Variants in NRXN3 observed in about 807,000 individuals in gnomAD.
NRXN3 encodes the protein neurexin III.
In NRXN3, 32 loss-of-function variants were observed where a neutral mutation model predicts 137.6. The ratio of observed to expected loss-of-function variants is 0.23; its 90% CI spans 0.18 to 0.31. The LOEUF (loss-of-function observed/expected upper bound fraction) is 0.31, where lower values mean the gene tolerates loss of function less well. Among genes scored for constraint, NRXN3 ranks in the 10% least tolerant of loss-of-function variants. The pLI is 1.00. For missense variants in NRXN3, 1,574 were observed against 2,062.5 expected (o/e 0.76, Z 4.59); for synonymous variants, 798 against 784.5 (o/e 1.02, Z -0.29).
chr14:78,728,560 T>C (rs923870704), intron 8 of NRXN3, among the ~76,000 whole-genome samples: 3 of 152,114 alleles, frequency 2.0e-5, no homozygotes, highest in African/African-American at 7.2e-5. Context: ...ATTTGGTCCT[T>C]AAATAAGATG....
intron 15 of NRXN3, among the ~76,000 whole-genome samples, chr14:79,316,033 G>A (rs2153233663): frequency 6.6e-6 from 1 of 152,258 alleles, no homozygotes; most frequent in African/African-American, 2.4e-5. Context: ...TGCTTTGTAA[G>A]GTGTAAATCG....
At chr14:78,741,738 G>A (rs2098575329) in intron 8 of NRXN3, among the ~76,000 whole-genome samples, 1 of 152,064 alleles carries the variant, frequency 6.6e-6, no homozygotes, top group African/African-American at 2.4e-5. Context: ...TTAACCAAAG[G>A]CCACTATCGT....
At chr14:78,267,677 G>T (rs2071991646) in intron 2 of NRXN3, among the ~76,000 whole-genome samples, 1 of 151,884 alleles carries the variant, frequency 6.6e-6, no homozygotes, top group African/African-American at 2.4e-5. Flanking sequence ...AAAAATAAAA[G>T]ATTTCTCTCC....
At chr14:78,997,655 A>AT (rs1435717097) in intron 15 of NRXN3, among the ~76,000 whole-genome samples, 1 of 152,134 alleles carries the variant, frequency 6.6e-6, no homozygotes, top group Non-Finnish European at 1.5e-5. Flanking sequence ...GGAAGAGATC[A>AT]TTTTTTGAAG....
intron 15 of NRXN3, among the ~76,000 whole-genome samples, chr14:79,155,699 TA>T (rs1214051187): frequency 3.3e-5 from 5 of 151,582 alleles, no homozygotes; most frequent in South Asian, 2.1e-4. Flanking sequence ...AGTCCTCATT[TA>T]AAAAAAATAA....
intron 4 of NRXN3, among the ~76,000 whole-genome samples, chr14:78,522,482 A>G (rs1343141883): frequency 6.6e-6 from 1 of 152,228 alleles, no homozygotes; most frequent in Non-Finnish European, 1.5e-5. Context: ...GTTATCGGAA[A>G]TAGTTGACTA....
At chr14:79,511,214 G>A (rs1234519162) in intron 16 of NRXN3, among the ~76,000 whole-genome samples, 1 of 152,196 alleles carries the variant, frequency 6.6e-6, no homozygotes, top group Non-Finnish European at 1.5e-5. Context: ...GAAAAAGTGT[G>A]CAGAGATATG....
chr14:78,997,594 A>G, intron 15 of NRXN3, among the ~76,000 whole-genome samples: 1 of 152,328 alleles, frequency 6.6e-6, no homozygotes, highest in East Asian at 1.9e-4. Context: ...AATAATAAAT[A>G]TAATTTTGTT....
intron 4 of NRXN3, among the ~76,000 whole-genome samples, chr14:78,371,350 GAAAGATT>G (rs1364658666): frequency 6.6e-6 from 1 of 152,168 alleles, no homozygotes; most frequent in Non-Finnish European, 1.5e-5. Context: ...GGGCTTCCAG[GAAAGATT>G]ACTTTCTTCC....
At chr14:78,702,326 A>T (rs1035426036) in intron 6 of NRXN3, among the ~76,000 whole-genome samples, 2 of 150,718 alleles carry the variant, frequency 1.3e-5, no homozygotes, top group African/African-American at 2.4e-5. Flanking sequence ...CTTATAAATA[A>T]ATATATAAAG....
intron 15 of NRXN3, among the ~76,000 whole-genome samples, chr14:79,191,766 A>T (rs2064361212): frequency 6.6e-6 from 1 of 152,196 alleles, no homozygotes; most frequent in Admixed American, 6.5e-5. Flanking sequence ...GGTGATTAAA[A>T]TATGGATTTA....
intron 15 of NRXN3, among the ~76,000 whole-genome samples, chr14:79,389,569 A>G (rs990126140): frequency 6.6e-6 from 1 of 152,170 alleles, no homozygotes; most frequent in East Asian, 1.9e-4. Context: ...TCCTCATCTG[A>G]TAATTGGGAA....
chr14:79,610,702 A>G (rs748249292), intron 16 of NRXN3, among the ~76,000 whole-genome samples: 2 of 152,214 alleles, frequency 1.3e-5, no homozygotes, highest in Non-Finnish European at 2.9e-5. Flanking sequence ...GTTTTTCCCC[A>G]AAGACTCATG....
intron 3 of NRXN3, among the ~76,000 whole-genome samples, chr14:78,287,987 T>C (rs560910156): frequency 2.4e-4 from 34 of 144,440 alleles, no homozygotes; most frequent in East Asian, 1.6e-3. Context: ...GGACTCCCCC[T>C]TTTTTTTTTT....
At chr14:79,745,669 T>G (rs10141662) in intron 19 of NRXN3, among the ~76,000 whole-genome samples, 4,013 of 152,200 alleles carry the variant, frequency 0.026, 180 homozygotes, top group African/African-American at 0.092. Context: ...TACCACACAC[T>G]GAGTGCCTTA....
At chr14:78,600,630 A>G (rs1241601602) in intron 4 of NRXN3, among the ~76,000 whole-genome samples, 1 of 152,118 alleles carries the variant, frequency 6.6e-6, no homozygotes, top group African/African-American at 2.4e-5. Context: ...TTCCCCCAAC[A>G]TTATCTTTCT....
chr14:79,680,774 G>C (rs1440693206), intron 17 of NRXN3, among the ~76,000 whole-genome samples: 1 of 152,146 alleles, frequency 6.6e-6, no homozygotes, highest in African/African-American at 2.4e-5. Context: ...CTCAGTGCCA[G>C]CAAGTCTTAC....
chr14:78,749,609 G>A (rs577406900), intron 8 of NRXN3, among the ~76,000 whole-genome samples: 20 of 152,188 alleles, frequency 1.3e-4, no homozygotes, highest in African/African-American at 4.3e-4. Context: ...TAGAGCCATC[G>A]GTTTATTTTA....
chr14:79,111,080 G>A (rs2053433223), intron 15 of NRXN3, among the ~76,000 whole-genome samples: 1 of 152,108 alleles, frequency 6.6e-6, no homozygotes, highest in Admixed American at 6.5e-5. Context: ...GTGAGCCACT[G>A]TGCCTAGCCA....
Sources: allele counts gnomAD v4.1 joint callset (sites outside exome capture counted in the v4.1 genomes callset), GRCh38; gene constraint gnomAD v4.1.1; transcripts MANE v1.5; gene names NCBI Gene and HGNC (gene_info 2026-07-23, HGNC 2026-07-21).